The following LPAR1 variants were observed in gnomAD, a reference collection of about 807,000 sequenced individuals.
LPAR1 encodes the protein LPA receptor 1.
LPAR1 carries 5 observed loss-of-function variants against 23.8 expected under a neutral mutation model. That is an observed-to-expected ratio of 0.21 (90% confidence interval 0.11 to 0.44). The LOEUF is 0.44. Among genes scored for constraint, LPAR1 ranks in the 20% least tolerant of loss-of-function variants. LPAR1 has a pLI of 0.99. For missense variants in LPAR1, 311 were observed against 482.8 expected (o/e 0.64, Z 3.33); for synonymous variants, 160 against 164.7 (o/e 0.97, Z 0.22).
chr9:110,970,140 A>C lies in LPAR1; in HGVS notation c.45+1933T>G, dbSNP rs146043587. ...TTTCTATTCCTCACCAGCTGATAGG[A>C]GCTTGTGTAACAGAGAAGATATATA... On this transcript the variant is annotated intron_variant, in intron 4 of 5. Transcript: ENST00000683809. Among the ~76,000 whole-genome samples, 169 of 152,308 alleles carry C rather than the reference A, an allele frequency of 1.1e-3. 1 individual carries two copies. Among genetic ancestry groups the C allele is most frequent in the African/African-American group, 3.8e-3 (157 of 41,572 alleles).
At chr9:111,033,762 A>T (rs1325818882) in intron 2 of LPAR1, among the ~76,000 whole-genome samples, 1 of 152,178 alleles carries the variant, frequency 6.6e-6, no homozygotes, top group Non-Finnish European at 1.5e-5. Context: ...CATGTTAGCC[A>T]GGCTGGTCTC....
intron 4 of LPAR1, among the ~76,000 whole-genome samples, chr9:110,947,167 C>G (rs1300033392): frequency 3.9e-5 from 6 of 152,036 alleles, no homozygotes; most frequent in Admixed American, 3.9e-4. Context: ...GAAAGTAGCT[C>G]ATATTTATTG....
chr9:111,002,561 T>C (rs2097147306), intron 2 of LPAR1, among the ~76,000 whole-genome samples: 1 of 152,132 alleles, frequency 6.6e-6, no homozygotes, highest in Non-Finnish European at 1.5e-5. Context: ...TCATTAAAGA[T>C]AGAAAAAGTG....
At chr9:110,929,495 C>A (rs1462010814) in intron 5 of LPAR1, among the ~76,000 whole-genome samples, 1 of 152,130 alleles carries the variant, frequency 6.6e-6, no homozygotes, top group Non-Finnish European at 1.5e-5. Flanking sequence ...AGCAAAATTT[C>A]TGAGAAAACA....
At chr9:111,000,398 G>A (rs994302744) in intron 2 of LPAR1, among the ~76,000 whole-genome samples, 1 of 152,164 alleles carries the variant, frequency 6.6e-6, no homozygotes, top group Admixed American at 6.5e-5. Context: ...TTGATCGGGT[G>A]ACTTCTTAGG....
At chr9:110,914,772 A>G (rs1200301476) in intron 5 of LPAR1, among the ~76,000 whole-genome samples, 1 of 149,490 alleles carries the variant, frequency 6.7e-6, no homozygotes, top group East Asian at 1.9e-4. Context: ...TTTCTTCATT[A>G]AAGACTCAAG....
chr9:111,020,071 A>G (rs899998863), intron 2 of LPAR1, among the ~76,000 whole-genome samples: 2 of 152,142 alleles, frequency 1.3e-5, no homozygotes, highest in African/African-American at 4.8e-5. Flanking sequence ...AAGGCCACCA[A>G]TCCTATCAGA....
At position 110,972,204 on chromosome 9, in the gene LPAR1, T is replaced by C; in HGVS notation, c.-87A>G. 1 of 1,182,810 alleles carries C rather than the reference T, an allele frequency of 8.5e-7. No individual in the cohort carries two copies. The highest frequency in any genetic ancestry group is 1.3e-6 in the Non-Finnish European group (1 of 789,734). The allele number at this position is 1,182,810 out of a possible 1,614,324, so 73.3% of individuals were successfully genotyped here. ...TTTGCTGATCAGATCGAAGTCATGCTAGGAGAAGCTGTGTACCTGGAAAAC... is the reference window on the plus strand; with the variant it reads ...TTTGCTGATCAGATCGAAGTCATGCCAGGAGAAGCTGTGTACCTGGAAAAC... On this transcript the variant is annotated 5_prime_UTR_variant, in exon 4 of 6. Transcript: ENST00000683809.
In LPAR1 at chr9:110,941,505, T is replaced by C. The variant is rs2095104862; in HGVS notation, c.709A>G (p.Met237Val). The change falls in exon 5 of 6, where the codon ATG (methionine) becomes GTG (valine). Residue 237 changes from methionine (M) to valine (V), a missense_variant. Met to Val is a conservative substitution (Grantham distance 21). This residue lies in a region of LPAR1 where 250 missense variants were observed against 427.2 expected (regional missense o/e 0.59). Transcript: ENST00000683809. This position sits in a 1 kb window ranked among gnomAD's most constrained non-coding sequence, Gnocchi z 6.1. ...HIFGYVRQRTMRMSRHSSGPR... is the reference protein window; with the variant it reads ...HIFGYVRQRTVRMSRHSSGPR... ...CCAGAACTATGCCGAGACATTCTCA[T>C]AGTCCTCTGGCGAACATAGCCAAAG... 6.2e-7 allele frequency: 1 copy of C among 1,614,102 alleles called. No individual in the cohort carries two copies. The highest frequency in any genetic ancestry group is 8.5e-7 in the Non-Finnish European group (1 of 1,179,968).
At chr9:110,907,916 A>AACACACAC (rs35043548) in intron 5 of LPAR1, among the ~76,000 whole-genome samples, 2,722 of 139,762 alleles carry the variant, frequency 0.019, 34 homozygotes, top group African/African-American at 0.037. Flanking sequence ...CCTTTGACAA[A>AACACACAC]ACACACACAC....
Position 110,941,465 on chromosome 9 carries a change from C to T in LPAR1, c.749G>A (p.Arg250Gln), listed in dbSNP as rs746689174. ...SRHSSGPRRN[R>Q]DTMMSLLKTV... is the part of the protein sequence containing the mutation. The stretch of plus-strand genomic sequence containing the variant: ...CTTCAGAAGACTCATCATGGTATCC[C>T]GATTCCGCCGGGGTCCAGAACTATG... Residue 250 changes from arginine (R) to glutamine (Q), a missense_variant, in exon 5 of 6, where the codon CGG becomes CAG. By Grantham distance (43) the Arg-to-Gln change is conservative. This residue lies in a region of LPAR1 where 250 missense variants were observed against 427.2 expected (regional missense o/e 0.59). Transcript: ENST00000683809. This position sits in a 1 kb window ranked among gnomAD's most constrained non-coding sequence, Gnocchi z 6.1. The T allele has an allele frequency of 3.1e-6, 5 of 1,613,770 alleles. No individual in the cohort carries two copies. Among genetic ancestry groups the T allele is most frequent in the Admixed American group, 3.3e-5 (2 of 59,970 alleles).
At chr9:110,965,309 G>A (rs1298419368) in intron 4 of LPAR1, among the ~76,000 whole-genome samples, 1 of 152,080 alleles carries the variant, frequency 6.6e-6, no homozygotes, top group Admixed American at 6.6e-5. Context: ...TTATGTTCTT[G>A]ACTTAAAACC....
At position 110,912,962 on chromosome 9, in the gene LPAR1, T is replaced by C. The variant is rs190296834; in HGVS notation, c.793+28459A>G. ...TTTTCAGCCTCAGAAAGCACTGTCA[T>C]ACGAACAAGGTTGGGAGGTTAACAG... On this transcript the variant is annotated intron_variant, in intron 5 of 5. Coordinates refer to ENST00000683809, the MANE Select transcript of LPAR1 (RefSeq NM_001351411.2). Among the ~76,000 whole-genome samples, 613 of 152,320 alleles carry C rather than the reference T, an allele frequency of 4.0e-3. 4 individuals carry two copies. Among genetic ancestry groups the C allele is most frequent in the African/African-American group, 0.014 (580 of 41,590 alleles).
Position 111,019,923 on chromosome 9 carries a change from A to G in LPAR1, c.-182+16199T>C, listed in dbSNP as rs566646824. Among the ~76,000 whole-genome samples, 37 of 152,372 alleles carry G rather than the reference A, an allele frequency of 2.4e-4. No homozygotes were observed. In the South Asian group the frequency reaches 7.7e-3, roughly 32 times the overall value. ...TAATTCTAGAGGCTAGAAATGTAATACAGGGTGCCAGCATGGTTGGTTTCT... is the reference window on the plus strand; with the variant it reads ...TAATTCTAGAGGCTAGAAATGTAATGCAGGGTGCCAGCATGGTTGGTTTCT... On this transcript the variant is annotated intron_variant, in intron 2 of 5. Coordinates refer to ENST00000683809, the MANE Select transcript of LPAR1 (RefSeq NM_001351411.2).
chr9:110,999,335 A>G (rs975780314), intron 2 of LPAR1: 2 of 453,348 alleles, frequency 4.4e-6, no homozygotes, highest in Admixed American at 4.8e-5. Flanking sequence ...GAATGCTTTA[A>G]TTGCTAAAAA....
chr9:110,896,319 T>C (rs774621387), intron 5 of LPAR1, among the ~76,000 whole-genome samples: 16 of 152,364 alleles, frequency 1.1e-4, no homozygotes, highest in Non-Finnish European at 2.1e-4. Flanking sequence ...TTGTGGCCTT[T>C]TGATTTTTAA....
chr9:110,884,192 C>A (rs2081702767), intron 5 of LPAR1, among the ~76,000 whole-genome samples: 1 of 152,096 alleles, frequency 6.6e-6, no homozygotes, highest in South Asian at 2.1e-4. Flanking sequence ...TTTTTCCATT[C>A]CTTTCAGTCT....
chr9:110,995,204 CA>C (rs1284384843), intron 2 of LPAR1, among the ~76,000 whole-genome samples: 2 of 152,068 alleles, frequency 1.3e-5, no homozygotes, highest in Non-Finnish European at 2.9e-5. Context: ...GTTTGGCCCA[CA>C]ATGTGCTATT....
chr9:110,942,219 T>G, intron 4 of LPAR1, 51 bp from the exon 5 acceptor site: 9 of 1,513,006 alleles, frequency 5.9e-6, no homozygotes, highest in Non-Finnish European at 8.0e-6. Context: ...AGGTCCAAAT[T>G]TAAAGCTTAT....
Sources: allele counts gnomAD v4.1 joint callset (sites outside exome capture counted in the v4.1 genomes callset), GRCh38; gene constraint gnomAD v4.1.1; regional missense constraint gnomAD v4.1.1; non-coding constraint Gnocchi (gnomAD v3.1); transcripts MANE v1.5; gene names NCBI Gene and HGNC (gene_info 2026-07-23, HGNC 2026-07-21).